The following PPP3CA variants were observed in gnomAD, a reference collection of about 807,000 sequenced individuals.
PPP3CA encodes CAM-PRP catalytic subunit.
Under a neutral mutation model 66.5 loss-of-function variants are expected in PPP3CA, and 14 were observed. The ratio of observed to expected loss-of-function variants is 0.21; its 90% confidence interval spans 0.14 to 0.33. PPP3CA has a LOEUF of 0.33. PPP3CA is among the 10% of genes least tolerant of loss of function. The probability of loss-of-function intolerance (pLI) is 1.00; values close to 1 mark genes in which losing one functional copy is unlikely to be tolerated. For synonymous variants in PPP3CA, 232 were observed against 226.2 expected (o/e 1.03, Z -0.23); for missense variants, 317 against 639.5 (o/e 0.50, Z 5.44).
intron 8 of PPP3CA, among the ~76,000 whole-genome samples, chr4:101,071,479 G>T (rs994599766): frequency 5.3e-5 from 8 of 152,182 alleles, no homozygotes; most frequent in Non-Finnish European, 1.2e-4. Context: ...ACATTCCTCA[G>T]ATTGTTACTG....
At chr4:101,324,194 A>G (rs1729137558) in intron 1 of PPP3CA, among the ~76,000 whole-genome samples, 1 of 140,942 alleles carries the variant, frequency 7.1e-6, no homozygotes, top group African/African-American at 2.6e-5. Context: ...GGAAGGAAGG[A>G]AGGAAGGAAG....
In PPP3CA at chr4:101,346,921, C is replaced by T. The variant is rs1279692963; in HGVS notation, c.-125G>A. 7 of 1,131,316 alleles carry T rather than the reference C, an allele frequency of 6.2e-6. No homozygotes were observed. The highest frequency in any genetic ancestry group is 7.7e-6 in the Non-Finnish European group (6 of 778,158). The allele number at this position is 1,131,316 out of a possible 1,614,324, so 70.1% of individuals were successfully genotyped here. A position where few individuals can be genotyped will look rare whatever the true frequency, so the allele number is the denominator to read the frequency against. ...CGCCGCCGCGCTGCAAACCGCTCGG[C>T]TGGAGGTCTAGGCTCTGAGCTGGCT... On this transcript the variant is annotated 5_prime_UTR_variant, in exon 1 of 14. Transcript: ENST00000394854.
At chr4:101,132,448 A>G (rs1395799157) in intron 2 of PPP3CA, among the ~76,000 whole-genome samples, 1 of 152,188 alleles carries the variant, frequency 6.6e-6, no homozygotes, top group Non-Finnish European at 1.5e-5. Context: ...AATAAAAACT[A>G]CCATCAGAGA....
intron 2 of PPP3CA, among the ~76,000 whole-genome samples, chr4:101,142,893 C>T (rs1250188114): frequency 6.6e-6 from 1 of 152,166 alleles, no homozygotes; most frequent in East Asian, 1.9e-4. Flanking sequence ...GGCAACAATA[C>T]TCAAGTGAGG....
At chr4:101,058,799 T>C (rs1185224086) in intron 10 of PPP3CA, among the ~76,000 whole-genome samples, 1 of 152,172 alleles carries the variant, frequency 6.6e-6, no homozygotes, top group East Asian at 1.9e-4. Flanking sequence ...AGGAATAACA[T>C]GTACCAGTGA....
intron 2 of PPP3CA, among the ~76,000 whole-genome samples, chr4:101,157,698 C>T (rs1476525407): frequency 6.6e-6 from 1 of 152,092 alleles, no homozygotes; most frequent in Non-Finnish European, 1.5e-5. Context: ...TTCTTTGAAA[C>T]CCATCAAGAG....
At chr4:101,345,776 C>T (rs1053820118) in intron 1 of PPP3CA, among the ~76,000 whole-genome samples, 2 of 152,192 alleles carry the variant, frequency 1.3e-5, no homozygotes, top group African/African-American at 4.8e-5. Flanking sequence ...TCAGTGCATC[C>T]TTGCCAGGAG....
rs1266760126 is a variant in PPP3CA, at chr4:101,039,886, G to A, written c.1241+596C>T. Among the ~76,000 whole-genome samples the A allele has an allele frequency of 2.1e-5, 3 of 144,212 alleles. 1 individual carries two copies. The highest frequency in any genetic ancestry group is 4.7e-5 in the Non-Finnish European group (3 of 64,444). The allele number at this position is 144,212 out of a possible 152,430, so 94.6% of individuals were successfully genotyped here. A position where few individuals can be genotyped will look rare whatever the true frequency, so the allele number is the denominator to read the frequency against. On this transcript the variant is annotated intron_variant, in intron 11 of 13. Transcript: ENST00000394854. ...ATATTTTAAAGTAATCTTTTGAAGA[G>A]AAATGTTACATTGTATTATTTAGAA...
At chr4:101,346,068 C>T (rs1054987849) in intron 1 of PPP3CA, among the ~76,000 whole-genome samples, 9 of 152,088 alleles carry the variant, frequency 5.9e-5, no homozygotes, top group Admixed American at 2.0e-4. Context: ...GCCTCCCGCG[C>T]CCCCCGCGGC....
chr4:101,283,384 T>C (rs912504925), intron 1 of PPP3CA, among the ~76,000 whole-genome samples: 2 of 152,224 alleles, frequency 1.3e-5, no homozygotes, highest in Non-Finnish European at 2.9e-5. Context: ...ATAATGTTCT[T>C]TGATTTCCTT....
At chr4:101,120,969 GC>G (rs1722008455) in intron 2 of PPP3CA, among the ~76,000 whole-genome samples, 1 of 152,024 alleles carries the variant, frequency 6.6e-6, no homozygotes, top group African/African-American at 2.4e-5. Context: ...AGGAAACTAT[GC>G]AAAAATCATG....
intron 1 of PPP3CA, among the ~76,000 whole-genome samples, chr4:101,213,211 C>A (rs1326180177): frequency 6.6e-6 from 1 of 151,440 alleles, no homozygotes; most frequent in African/African-American, 2.5e-5. Flanking sequence ...ACTTGTTCAT[C>A]AGTTTGAAAA....
chr4:101,302,760 C>T (rs1455871471), intron 1 of PPP3CA, among the ~76,000 whole-genome samples: 1 of 152,178 alleles, frequency 6.6e-6, no homozygotes, highest in African/African-American at 2.4e-5. Flanking sequence ...GAAACTGAGT[C>T]CCAGAACCAC....
intron 8 of PPP3CA, among the ~76,000 whole-genome samples, chr4:101,079,926 A>G (rs1158283146): frequency 6.6e-6 from 1 of 152,222 alleles, no homozygotes; most frequent in African/African-American, 2.4e-5. Context: ...AACCTAGTTC[A>G]TTACTTCCTA....
chr4:101,274,764 C>T (rs1727437337), intron 1 of PPP3CA, among the ~76,000 whole-genome samples: 1 of 151,882 alleles, frequency 6.6e-6, no homozygotes, highest in African/African-American at 2.4e-5. Flanking sequence ...GCTTTCCTTC[C>T]CACAAATCTA....
At chr4:101,247,369 C>T (rs1208459860) in intron 1 of PPP3CA, among the ~76,000 whole-genome samples, 2 of 151,952 alleles carry the variant, frequency 1.3e-5, no homozygotes, top group Admixed American at 6.6e-5. Flanking sequence ...ACTGTGTTGG[C>T]CAGGCTGGTC....
At chr4:101,202,864 G>C (rs1010168201) in intron 1 of PPP3CA, among the ~76,000 whole-genome samples, 1 of 152,120 alleles carries the variant, frequency 6.6e-6, no homozygotes, top group African/African-American at 2.4e-5. Flanking sequence ...ATCCTTGTCA[G>C]AAACCTCCTT....
chr4:101,335,324 AG>A (rs1729590091), intron 1 of PPP3CA, among the ~76,000 whole-genome samples: 1 of 151,806 alleles, frequency 6.6e-6, no homozygotes, highest in Non-Finnish European at 1.5e-5. Flanking sequence ...CAAGCAGAAG[AG>A]GCAGGTTTGG....
At chr4:101,282,108 C>T (rs1727703742) in intron 1 of PPP3CA, among the ~76,000 whole-genome samples, 1 of 152,156 alleles carries the variant, frequency 6.6e-6, no homozygotes, top group African/African-American at 2.4e-5. Context: ...TTGAAAGTGA[C>T]TTGCAGTTAT....
Sources: gnomAD v4.1 joint callset for allele counts (sites outside exome capture counted in the v4.1 genomes callset) on GRCh38, gnomAD v4.1.1 for gene constraint, MANE v1.5 for transcripts, NCBI Gene and HGNC (gene_info 2026-07-23, HGNC 2026-07-21) for gene names.